SNX27: variants seen among roughly 807,000 people sequenced by gnomAD.
The protein encoded by SNX27 is sorting nexin-27.
In SNX27, 22 loss-of-function variants were observed where a neutral mutation model predicts 71.6. The observed-to-expected ratio is 0.31, with a 90% CI of 0.22 to 0.44. The LOEUF (loss-of-function observed/expected upper bound fraction) is 0.44, where lower values mean the gene tolerates loss of function less well. Among genes scored for constraint, SNX27 ranks in the 20% least tolerant of loss-of-function variants. SNX27 has a pLI of 1.00. For missense variants in SNX27, 531 were observed against 698.6 expected, an observed-to-expected ratio of 0.76 and a Z score of 2.70; for synonymous variants, 269 against 277.2, an observed-to-expected ratio of 0.97 and a Z score of 0.29.
Position 151,646,586 on chromosome 1 carries a change from T to C in SNX27, c.543+7467T>C, listed in dbSNP as rs1669043280. ...CCTTCAAATTATATATTTGAATTTG[T>C]AGTTGTATAGACATAATATATAGTA... On this transcript the variant is annotated intron_variant, in intron 2 of 11. Transcript: ENST00000458013. Among the ~76,000 whole-genome samples the C allele has an allele frequency of 3.4e-5, 5 of 149,064 alleles. No homozygotes were observed. The South Asian group carries it at 1.0e-3, about 31-fold the overall frequency.
chr1:151,640,778 A>T (rs537506694), intron 2 of SNX27, among the ~76,000 whole-genome samples: 3 of 152,298 alleles, frequency 2.0e-5, no homozygotes, highest in South Asian at 2.1e-4. Flanking sequence ...AAATGTACAT[A>T]GTCTTATAAC....
In SNX27 at chr1:151,637,173, T is replaced by TTTTTTTG. The variant is rs1558043736; in HGVS notation, c.312-1709_312-1708insGTTTTTT. On this transcript the variant is annotated intron_variant, in intron 1 of 11. Coordinates refer to ENST00000458013, the MANE Select transcript of SNX27 (RefSeq NM_001330723.2). ...ATCACGTTTTTTTTGTTTTTTTGTT[T>TTTTTTTG]TTTTTTTTTGAGACAGAGTCTTGCT... Among the ~76,000 whole-genome samples, 6 of 142,846 alleles carry TTTTTTTG rather than the reference T, an allele frequency of 4.2e-5. No individual in the cohort carries two copies. In the East Asian group the frequency reaches 1.0e-3, roughly 24 times the overall value. 93.7% of individuals were successfully genotyped at this position (142,846 alleles called of 152,430 possible).
Position 151,619,011 on chromosome 1 carries a change from C to CA in SNX27, c.311+6511dup, listed in dbSNP as rs35003953. Among the ~76,000 whole-genome samples the CA allele has an allele frequency of 7.0e-3, 973 of 139,780 alleles. 12 individuals carry two copies. The highest frequency in any genetic ancestry group is 0.014 in the East Asian group (70 of 4,840). The allele number at this position is 139,780 out of a possible 152,430, so 91.7% of individuals were successfully genotyped here. On this transcript the variant is annotated intron_variant, in intron 1 of 11. Coordinates refer to ENST00000458013, the MANE Select transcript of SNX27 (RefSeq NM_001330723.2). ...TTTACATTATAACCTAATATATATG[C>CA]AAAAAAAAAAAACACCTGAAATAAG...
At chr1:151,670,034 TC>T (rs1344502494) in intron 7 of SNX27, among the ~76,000 whole-genome samples, 1 of 152,150 alleles carries the variant, frequency 6.6e-6, no homozygotes, top group Non-Finnish European at 1.5e-5. Context: ...CCCTGACTCT[TC>T]CCCAATTCCC....
intron 1 of SNX27, among the ~76,000 whole-genome samples, chr1:151,625,523 A>C (rs948961600): frequency 6.6e-6 from 1 of 151,246 alleles, no homozygotes; most frequent in African/African-American, 2.4e-5. Flanking sequence ...AAAAAAGATA[A>C]ATAAAAAAAT....
rs145801069 is a variant in SNX27 at position 151,649,835 on chromosome 1, A to G, written c.544-8400A>G. 1.5e-3 allele frequency among the ~76,000 whole-genome samples: 235 copies of G among 152,232 alleles called. 1 individual carries two copies. The highest frequency in any genetic ancestry group is 5.5e-3 in the African/African-American group (228 of 41,542). On this transcript the variant is annotated intron_variant, in intron 2 of 11. Coordinates refer to ENST00000458013, the MANE Select transcript of SNX27 (RefSeq NM_001330723.2). ...ATCCTCCTGACTCAGCCTTCCGAGT[A>G]GCTGGAACTACAGGAATGTGCCACT...
rs1671884736 is a variant in SNX27 at position 151,698,435 on chromosome 1, A to G, written c.*4018A>G. The stretch of plus-strand genomic sequence containing the variant: ...TTGGCTAGATTCATTCAGCAGTAGA[A>G]GCTGTTTGATCTGTTGACCCCAGCA... On this transcript the variant is annotated 3_prime_UTR_variant, in exon 12 of 12. Coordinates refer to ENST00000458013, the MANE Select transcript of SNX27 (RefSeq NM_001330723.2). The G allele has an allele frequency of 6.6e-6, 1 of 152,620 alleles. No individual in the cohort carries two copies. The highest frequency in any genetic ancestry group is 2.1e-4 in the South Asian group (1 of 4,834). The allele number at this position is 152,620 out of a possible 1,614,324, so 9.5% of individuals were successfully genotyped here.
chr1:151,629,514 TAC>T (rs1668111907), intron 1 of SNX27: 1 of 150,806 alleles, frequency 6.6e-6, no homozygotes, highest in Non-Finnish European at 1.5e-5. Context: ...TATACATATA[TAC>T]ACGTATATAT....
chr1:151,642,900 A>G (rs1013896394), intron 2 of SNX27, among the ~76,000 whole-genome samples: 1 of 152,032 alleles, frequency 6.6e-6, no homozygotes, highest in Non-Finnish European at 1.5e-5. Flanking sequence ...TCGGCCTCCC[A>G]AAGTGCTGGG....
At chr1:151,658,477 A>G (rs1438583974) in intron 3 of SNX27, 50 bp downstream of exon 3, 5 of 1,535,124 alleles carry the variant, frequency 3.3e-6, no homozygotes, top group Non-Finnish European at 4.4e-6. Flanking sequence ...TAGGTTCTAG[A>G]TATGCAACTT....
chr1:151,662,308 T>C, intron 5 of SNX27, 38 bp downstream of exon 5: 1 of 1,391,638 alleles, frequency 7.2e-7, no homozygotes, highest in Non-Finnish European at 1.0e-6. Flanking sequence ...CATTGGATGG[T>C]GTGAAGCTAA....
chr1:151,681,533 C>T (rs1406645450), intron 7 of SNX27, among the ~76,000 whole-genome samples: 6 of 152,082 alleles, frequency 3.9e-5, no homozygotes, highest in South Asian at 2.1e-4. Flanking sequence ...TGAGCCACCG[C>T]GCCTGGCCCT....
In SNX27 at chr1:151,628,854, A is replaced by G. The variant is rs137867172; in HGVS notation, c.312-10034A>G. Among the ~76,000 whole-genome samples the G allele has an allele frequency of 2.1e-3, 317 of 152,242 alleles. 2 individuals carry two copies. The highest frequency in any genetic ancestry group is 7.2e-3 in the African/African-American group (298 of 41,544). On this transcript the variant is annotated intron_variant, in intron 1 of 11. Transcript: ENST00000458013. Reference sequence around the variant, plus strand: ...TTTGTTTTCTTATTGTTGAGTTTTAATAGCTCTTTGTATATTTTGGATACA... The same window carrying G: ...TTTGTTTTCTTATTGTTGAGTTTTAGTAGCTCTTTGTATATTTTGGATACA...
chr1:151,698,671 ACTC>A lies in SNX27; in HGVS notation c.*4258_*4260del, dbSNP rs770124402. ...TTTGCTGCCAGGACAGCATCAGCTC[ACTC>A]CTCAGCAATAATCTAGGGTATGTGG... is the stretch of plus-strand genomic sequence containing the variant. On this transcript the variant is annotated 3_prime_UTR_variant, in exon 12 of 12. Transcript: ENST00000458013. 4.6e-5 allele frequency: 7 copies of A among 152,262 alleles called. No individual in the cohort carries two copies. The highest frequency in any genetic ancestry group is 3.3e-4 in the Admixed American group (5 of 15,258). 9.4% of individuals were successfully genotyped at this position (152,262 alleles called of 1,614,324 possible).
At chr1:151,681,309 T>C (rs1670943375) in intron 7 of SNX27, among the ~76,000 whole-genome samples, 1 of 143,086 alleles carries the variant, frequency 7.0e-6, no homozygotes, top group African/African-American at 2.6e-5. Flanking sequence ...TGGTGCTATC[T>C]CGGCTCACTG....
chr1:151,661,910 C>G lies in SNX27; in HGVS notation c.802-256C>G, dbSNP rs576910927. Among the ~76,000 whole-genome samples the G allele has an allele frequency of 3.9e-5, 6 of 152,288 alleles. No homozygotes were observed. In the South Asian group the frequency reaches 1.2e-3, roughly 32 times the overall value. ...CATCTGTGTTTGACCTAGACTGTTT[C>G]ACGCAAGTTTCCTGTTTTGAAATGT... On this transcript the variant is annotated intron_variant, in intron 4 of 11. Coordinates refer to ENST00000458013, the MANE Select transcript of SNX27 (RefSeq NM_001330723.2).
chr1:151,648,017 A>G (rs1056554967), intron 2 of SNX27, among the ~76,000 whole-genome samples: 5 of 151,988 alleles, frequency 3.3e-5, no homozygotes, highest in Admixed American at 6.6e-5. Flanking sequence ...CAAAAAAACA[A>G]TTGCCTTTTA....
intron 5 of SNX27, among the ~76,000 whole-genome samples, chr1:151,663,986 G>A (rs560936262): frequency 6.6e-5 from 10 of 151,442 alleles, no homozygotes; most frequent in African/African-American, 1.2e-4. Context: ...GTCAACTAAC[G>A]CTATTTAATT....
chr1:151,658,199 T>A, intron 2 of SNX27, 36 bp from the exon 3 acceptor site: 3 of 1,560,610 alleles, frequency 1.9e-6, no homozygotes, highest in Non-Finnish European at 2.6e-6. Context: ...TAATTTGTAT[T>A]AAGTATGCTT....
Sources: allele counts gnomAD v4.1 joint callset (sites outside exome capture counted in the v4.1 genomes callset), GRCh38; gene constraint gnomAD v4.1.1; transcripts MANE v1.5; gene names NCBI Gene and HGNC (gene_info 2026-07-23, HGNC 2026-07-21).